The following AGBL4 variants were observed in gnomAD, a reference collection of about 807,000 sequenced individuals.
AGBL4 encodes the protein cytosolic carboxypeptidase 6.
Under a neutral mutation model 66.4 loss-of-function variants are expected in AGBL4, and 58 were observed. The observed-to-expected ratio is 0.87, with a 90% CI of 0.71 to 1.09. The LOEUF (loss-of-function observed/expected upper bound fraction) is 1.09. Among genes scored for constraint, AGBL4 ranks in the 50% least tolerant of loss-of-function variants. The pLI, the probability that AGBL4 is intolerant of heterozygous loss-of-function variation, is 0.00. For synonymous variants in AGBL4, 234 were observed against 222.9 expected, an observed-to-expected ratio of 1.05 and a Z score of -0.44; for missense variants, 579 against 631.0, an observed-to-expected ratio of 0.92 and a Z score of 0.88.
chr1:49,298,991 A>C (rs1245609136), intron 3 of AGBL4, among the ~76,000 whole-genome samples: 3 of 152,186 alleles, frequency 2.0e-5, no homozygotes, highest in Non-Finnish European at 4.4e-5. Flanking sequence ...CATCAAAGAC[A>C]AACAATGGAT....
At chr1:48,971,636 A>G (rs769350599) in intron 5 of AGBL4, among the ~76,000 whole-genome samples, 8 of 152,198 alleles carry the variant, frequency 5.3e-5, no homozygotes, top group Non-Finnish European at 1.0e-4. Flanking sequence ...CAGCAATGGA[A>G]TCAAAAGTGG....
At chr1:48,671,455 T>C (rs1570201669) in intron 6 of AGBL4, among the ~76,000 whole-genome samples, 1 of 152,304 alleles carries the variant, frequency 6.6e-6, no homozygotes, top group African/African-American at 2.4e-5. Flanking sequence ...GGTTATAAAT[T>C]TGAATTCTAG....
intron 6 of AGBL4, among the ~76,000 whole-genome samples, chr1:48,702,074 C>T (rs2148507115): frequency 1.3e-5 from 2 of 152,246 alleles, no homozygotes; most frequent in African/African-American, 4.8e-5. Context: ...AGCACTCCAC[C>T]TCTGACTATT....
intron 1 of AGBL4, among the ~76,000 whole-genome samples, chr1:49,921,888 C>T (rs1014844991): frequency 6.6e-6 from 1 of 152,152 alleles, no homozygotes; most frequent in African/African-American, 2.4e-5. Flanking sequence ...TCCCAGTCCA[C>T]TGACTCAAAT....
chr1:48,752,162 C>A (rs978819091), intron 6 of AGBL4, among the ~76,000 whole-genome samples: 4 of 152,146 alleles, frequency 2.6e-5, no homozygotes, highest in Non-Finnish European at 1.5e-5. Context: ...TCTAACTAGA[C>A]AAAATGGCTC....
chr1:49,881,028 T>C (rs1647244043), intron 1 of AGBL4, among the ~76,000 whole-genome samples: 1 of 152,092 alleles, frequency 6.6e-6, no homozygotes, highest in Non-Finnish European at 1.5e-5. Flanking sequence ...TCGCGCACAG[T>C]GCGCGCACCC....
At chr1:48,880,136 C>T (rs531469483) in intron 5 of AGBL4, among the ~76,000 whole-genome samples, 1 of 152,224 alleles carries the variant, frequency 6.6e-6, no homozygotes, top group South Asian at 2.1e-4. Context: ...TTCCCCCTGA[C>T]TCTCCAAAGT....
Position 49,213,145 on chromosome 1 carries a change from A to G in AGBL4, c.377+32625T>C, listed in dbSNP as rs564843441. On this transcript the variant is annotated intron_variant, in intron 4 of 13. Coordinates refer to ENST00000371839, the MANE Select transcript of AGBL4 (RefSeq NM_032785.4). Reference sequence around the variant, plus strand: ...GAGAAGGGTAAATAGATAAAACACAATATGACAATTACTACTAGTACTATA... The same window carrying G: ...GAGAAGGGTAAATAGATAAAACACAGTATGACAATTACTACTAGTACTATA... Among the ~76,000 whole-genome samples, 6 of 152,244 alleles carry G rather than the reference A, an allele frequency of 3.9e-5. No individual in the cohort carries two copies. In the South Asian group the frequency reaches 1.2e-3, roughly 32 times the overall value.
At chr1:49,987,047 T>G (rs1380200508) in intron 1 of AGBL4, among the ~76,000 whole-genome samples, 2 of 151,958 alleles carry the variant, frequency 1.3e-5, no homozygotes, top group Non-Finnish European at 2.9e-5. Context: ...ACCACTTCCC[T>G]GCTGGTAAAG....
chr1:49,873,182 C>T lies in AGBL4; in HGVS notation c.35-21664G>A, dbSNP rs1646881142. Among the ~76,000 whole-genome samples, 4 of 151,920 alleles carry T rather than the reference C, an allele frequency of 2.6e-5. No homozygotes were observed. The South Asian group carries it at 8.3e-4, about 31-fold the overall frequency. ...TATATCAGGTTTCCAGGATTGTTCTCCCTTTTTGTTTGCTTGTTTTCTTTC... is the reference window on the plus strand; with the variant it reads ...TATATCAGGTTTCCAGGATTGTTCTTCCTTTTTGTTTGCTTGTTTTCTTTC... On this transcript the variant is annotated intron_variant, in intron 1 of 13. Coordinates refer to ENST00000371839, the MANE Select transcript of AGBL4 (RefSeq NM_032785.4).
chr1:48,652,865 C>G (rs114881333), intron 8 of AGBL4, among the ~76,000 whole-genome samples: 2,826 of 152,238 alleles, frequency 0.019, 39 homozygotes, highest in South Asian at 0.051. Flanking sequence ...ACCTGGGATT[C>G]TATTCTCATT....
At chr1:48,618,448 C>T (rs576228061) in intron 9 of AGBL4, among the ~76,000 whole-genome samples, 3 of 152,314 alleles carry the variant, frequency 2.0e-5, no homozygotes, top group African/African-American at 7.2e-5. Flanking sequence ...TACAGTCCCA[C>T]TGTGTGACCT....
chr1:49,095,859 AGCT>A (rs1285987182), intron 4 of AGBL4, among the ~76,000 whole-genome samples: 1 of 151,226 alleles, frequency 6.6e-6, no homozygotes, highest in African/African-American at 2.4e-5. Flanking sequence ...TAAACTAAAG[AGCT>A]TCTGCACAGC....
intron 1 of AGBL4, among the ~76,000 whole-genome samples, chr1:49,883,080 G>A (rs897171612): frequency 6.6e-6 from 1 of 152,064 alleles, no homozygotes; most frequent in Admixed American, 6.6e-5. Context: ...CCAAGGAAAG[G>A]TTATAGTGAA....
At chr1:49,005,817 A>G (rs537122168) in intron 5 of AGBL4, among the ~76,000 whole-genome samples, 3 of 152,114 alleles carry the variant, frequency 2.0e-5, no homozygotes, top group African/African-American at 4.8e-5. Flanking sequence ...CCTGACCAAC[A>G]TGGTGAAACC....
intron 6 of AGBL4, among the ~76,000 whole-genome samples, chr1:48,822,180 G>T (rs1417305256): frequency 2.0e-5 from 3 of 152,104 alleles, no homozygotes; most frequent in Non-Finnish European, 4.4e-5. Context: ...TTATATTCCT[G>T]GCTACTTATC....
intron 2 of AGBL4, among the ~76,000 whole-genome samples, chr1:49,837,618 G>A (rs977258130): frequency 4.6e-5 from 7 of 152,142 alleles, no homozygotes; most frequent in South Asian, 4.1e-4. Flanking sequence ...AGGCCAAGGC[G>A]GGTGGATCAC....
chr1:48,845,304 T>C (rs1156652539), intron 6 of AGBL4, among the ~76,000 whole-genome samples: 1 of 152,232 alleles, frequency 6.6e-6, no homozygotes, highest in Non-Finnish European at 1.5e-5. Flanking sequence ...ATTTACTTTA[T>C]TCACTGACCT....
intron 2 of AGBL4, among the ~76,000 whole-genome samples, chr1:49,731,818 A>C (rs1649475739): frequency 6.6e-6 from 1 of 152,194 alleles, no homozygotes; most frequent in Non-Finnish European, 1.5e-5. Context: ...ATTCTCCCCC[A>C]AAAAGCAATT....
Sources: allele counts gnomAD v4.1 joint callset (sites outside exome capture counted in the v4.1 genomes callset), GRCh38; gene constraint gnomAD v4.1.1; transcripts MANE v1.5; gene names NCBI Gene and HGNC (gene_info 2026-07-23, HGNC 2026-07-21).